CNNM1: variants seen among roughly 807,000 people sequenced by gnomAD.
CNNM1 encodes metal transporter CNNM1.
CNNM1 carries 44 observed loss-of-function variants against 78.8 expected under a neutral mutation model. The observed-to-expected ratio is 0.56, with a 90% CI of 0.44 to 0.72. The LOEUF is 0.72. CNNM1 is among the 30% of genes least tolerant of loss of function. CNNM1 has a pLI of 0.00. For missense variants in CNNM1, 1,101 were observed against 1,292.2 expected, an observed-to-expected ratio of 0.85 and a Z score of 2.27; for synonymous variants, 584 against 581.5, an observed-to-expected ratio of 1.00 and a Z score of -0.06.
intron 1 of CNNM1, among the ~76,000 whole-genome samples, chr10:99,356,777 G>A (rs2031232699): frequency 6.6e-6 from 1 of 152,072 alleles, no homozygotes; most frequent in Non-Finnish European, 1.5e-5. Flanking sequence ...AACCTGGAAG[G>A]GTGGGCTCAG....
At chr10:99,336,139 G>A (rs951078057) in intron 1 of CNNM1, among the ~76,000 whole-genome samples, 34 of 152,360 alleles carry the variant, frequency 2.2e-4, no homozygotes, top group African/African-American at 7.9e-4. Flanking sequence ...ATGATGGACT[G>A]CATGTATGAT....
At chr10:99,343,034 C>G (rs148564916) in intron 1 of CNNM1, among the ~76,000 whole-genome samples, 6 of 151,924 alleles carry the variant, frequency 3.9e-5, no homozygotes, top group South Asian at 2.1e-4. Flanking sequence ...GGCACAATCT[C>G]GGCTCACTGC....
chr10:99,330,425 G>A lies in CNNM1; in HGVS notation c.1038G>A (p.Val346=). ...GCGCCGAAATCTGCCCCTACTCAGT[G>A]TGTTCGCGGCACGGGCTGGCCATCG... ...FLGAEICPYS[V]CSRHGLAIAS... The change falls in exon 1 of 11, where the codon GTG becomes GTA. Residue 346 remains valine, a synonymous_variant. Coordinates refer to ENST00000356713, the MANE Select transcript of CNNM1 (RefSeq NM_020348.3). 3 of 1,593,694 alleles carry A rather than the reference G, an allele frequency of 1.9e-6. No individual in the cohort carries two copies. Among genetic ancestry groups the A allele is most frequent in the Non-Finnish European group, 2.6e-6 (3 of 1,171,060 alleles).
Position 99,368,233 on chromosome 10 carries a change from A to G in CNNM1, c.2176+3231A>G, listed in dbSNP as rs76251535. On this transcript the variant is annotated intron_variant, in intron 6 of 10. Transcript: ENST00000356713. Reference sequence around the variant, plus strand: ...CAGGTGCCCTTGGCAGTTGAGCTCCATGGGAGCTGGGAGAGCTTGGTGGGA... The same window carrying G: ...CAGGTGCCCTTGGCAGTTGAGCTCCGTGGGAGCTGGGAGAGCTTGGTGGGA... 5.5e-4 allele frequency: 124 copies of G among 225,074 alleles called. No individual in the cohort carries two copies. The East Asian group carries it at 7.6e-3, about 14-fold the overall frequency. The allele number at this position is 225,074 out of a possible 1,614,324, so 13.9% of individuals were successfully genotyped here.
chr10:99,391,650 C>T lies in CNNM1; in HGVS notation c.*134C>T. ...TCTGCCTTCCCTTCCATCTCTTCAC[C>T]CCTAGCTGTCAGTTTGGCAGATTTT... On this transcript the variant is annotated 3_prime_UTR_variant, in exon 11 of 11. Transcript: ENST00000356713. The T allele has an allele frequency of 1.4e-6, 1 of 708,766 alleles. No homozygotes were observed. The highest frequency in any genetic ancestry group is 2.4e-6 in the Non-Finnish European group (1 of 423,998). The allele number at this position is 708,766 out of a possible 1,614,324, so 43.9% of individuals were successfully genotyped here.
At chr10:99,380,019 CTCTT>C (rs2032090674) in intron 7 of CNNM1, among the ~76,000 whole-genome samples, 2 of 116,776 alleles carry the variant, frequency 1.7e-5, no homozygotes, top group South Asian at 6.2e-4. Flanking sequence ...AGTAAACTCT[CTCTT>C]TTTTTTTTTT....
At position 99,393,879 on chromosome 10, in the gene CNNM1, GCCTGGCC is replaced by G. The variant is rs1455292600; in HGVS notation, c.*2364_*2370del. The stretch of plus-strand genomic sequence containing the variant: ...TTGACTTCACCACACCCCTTGCCTG[GCCTGGCC>G]TGAGGCTCAGCAGTGCATGACTTCT... On this transcript the variant is annotated 3_prime_UTR_variant, in exon 11 of 11. Transcript: ENST00000356713. 6 of 152,268 alleles carry G rather than the reference GCCTGGCC, an allele frequency of 3.9e-5. No individual in the cohort carries two copies. 9.4% of individuals were successfully genotyped at this position (152,268 alleles called of 1,614,324 possible). A position where few individuals can be genotyped will look rare whatever the true frequency, so the allele number is the denominator to read the frequency against.
chr10:99,360,373 T>G (rs1454628547), intron 2 of CNNM1, among the ~76,000 whole-genome samples: 4 of 152,212 alleles, frequency 2.6e-5, no homozygotes, highest in Non-Finnish European at 5.9e-5. Context: ...GCAACCCTCT[T>G]GATACTAAGA....
At chr10:99,363,367 A>G (rs996719136) in intron 4 of CNNM1, among the ~76,000 whole-genome samples, 2 of 152,252 alleles carry the variant, frequency 1.3e-5, no homozygotes, top group African/African-American at 4.8e-5. Context: ...CATTGTTTGT[A>G]TAATGTAATG....
intron 1 of CNNM1, among the ~76,000 whole-genome samples, chr10:99,351,823 C>G (rs1432390609): frequency 6.6e-6 from 1 of 152,202 alleles, no homozygotes; most frequent in African/African-American, 2.4e-5. Flanking sequence ...CAGCATTCCT[C>G]TCATTTCAAC....
intron 1 of CNNM1, among the ~76,000 whole-genome samples, chr10:99,333,573 G>A (rs917928056): frequency 1.3e-5 from 2 of 152,132 alleles, no homozygotes; most frequent in Non-Finnish European, 2.9e-5. Context: ...TCGAACTCCC[G>A]ACCTCAGGTG....
At chr10:99,357,410 A>G in intron 1 of CNNM1, 102 bp from the exon 2 acceptor site, 2 of 1,213,470 alleles carry the variant, frequency 1.6e-6, no homozygotes, top group South Asian at 3.2e-5. Context: ...GATGAGTGCA[A>G]TCCTGAGATT....
chr10:99,357,691 C>T (rs371587527), intron 2 of CNNM1, 36 bp downstream of exon 2: 1 of 1,531,954 alleles, frequency 6.5e-7, no homozygotes, highest in African/African-American at 1.4e-5. Context: ...CCAGGGTCAT[C>T]TTATTTTCCT....
intron 4 of CNNM1, 38 bp downstream of exon 4, chr10:99,362,434 G>A: frequency 6.3e-7 from 1 of 1,590,728 alleles, no homozygotes; most frequent in Non-Finnish European, 8.6e-7. Context: ...AGAGCCAGAG[G>A]AGGGCATCTC....
At chr10:99,374,503 G>T (rs1434086649) in intron 6 of CNNM1, among the ~76,000 whole-genome samples, 1 of 152,132 alleles carries the variant, frequency 6.6e-6, no homozygotes, top group Non-Finnish European at 1.5e-5. Context: ...GGAGTGTCTT[G>T]CTCCCCACCC....
chr10:99,385,329 C>T (rs2032276782), intron 7 of CNNM1, among the ~76,000 whole-genome samples: 1 of 152,168 alleles, frequency 6.6e-6, no homozygotes, highest in Non-Finnish European at 1.5e-5. Context: ...TCCCGCTTCT[C>T]CACTGTCCAT....
chr10:99,367,554 C>T (rs536884902), intron 6 of CNNM1, among the ~76,000 whole-genome samples: 1 of 152,254 alleles, frequency 6.6e-6, no homozygotes, highest in Non-Finnish European at 1.5e-5. Context: ...TTGGTGTATA[C>T]ATTTATACAT....
At chr10:99,340,776 CTTCTTTCTTTTCT>C (rs1274474635) in intron 1 of CNNM1, among the ~76,000 whole-genome samples, 7 of 143,782 alleles carry the variant, frequency 4.9e-5, no homozygotes, top group Non-Finnish European at 9.0e-5. Context: ...TCTCTCTTTC[CTTCTTTCTTTTCT>C]TTCTTTCTTA....
At chr10:99,368,663 C>T (rs752636588) in intron 6 of CNNM1, 53 of 1,289,738 alleles carry the variant, frequency 4.1e-5, no homozygotes, top group Non-Finnish European at 5.1e-5. Flanking sequence ...AGAGGGGACT[C>T]TCTGGCAGGC....
Sources: allele counts gnomAD v4.1 joint callset (sites outside exome capture counted in the v4.1 genomes callset), GRCh38; gene constraint gnomAD v4.1.1; transcripts MANE v1.5; gene names NCBI Gene and HGNC (gene_info 2026-07-23, HGNC 2026-07-21).